The following DIAPH2 variants were observed in gnomAD, a reference collection of about 807,000 sequenced individuals.
DIAPH2 encodes the protein diaphanous related formin 2, also known as protein diaphanous homolog 2.
Under a neutral mutation model 92.7 loss-of-function variants are expected in DIAPH2, and 35 were observed. The ratio of observed to expected loss-of-function variants is 0.38; its 90% CI spans 0.29 to 0.50. The LOEUF (loss-of-function observed/expected upper bound fraction) is 0.50. Ranked by LOEUF, DIAPH2 falls within the 20% of genes least tolerant of loss-of-function variation. The pLI is 0.94. For synonymous variants in DIAPH2, 301 were observed against 280.4 expected, an observed-to-expected ratio of 1.07 and a Z score of -0.73; for missense variants, 701 against 819.5, an observed-to-expected ratio of 0.86 and a Z score of 1.77.
intron 4 of DIAPH2, among the ~76,000 whole-genome samples, chrX:96,842,700 C>G (rs2064944675): frequency 8.9e-6 from 1 of 111,893 alleles, no homozygotes; most frequent in Non-Finnish European, 1.9e-5. Context: ...CCAACTCTTT[C>G]ACCTAGTAAA....
At chrX:96,878,513 G>T (rs918950340) in intron 4 of DIAPH2, among the ~76,000 whole-genome samples, 1 of 111,686 alleles carries the variant, frequency 9.0e-6, no homozygotes, top group Admixed American at 9.5e-5. Flanking sequence ...TTCTAAGCTT[G>T]GTAAAAAGCA....
At chrX:96,755,793 T>G (rs1203067407) in intron 3 of DIAPH2, among the ~76,000 whole-genome samples, 2 of 111,586 alleles carry the variant, frequency 1.8e-5, no homozygotes, top group East Asian at 5.6e-4. Flanking sequence ...CTTAAAAAAT[T>G]TAGATATGAT....
chrX:97,242,154 T>A (rs1602443602), intron 22 of DIAPH2, among the ~76,000 whole-genome samples: 2 of 111,288 alleles, frequency 1.8e-5, no homozygotes, highest in African/African-American at 6.5e-5. Flanking sequence ...GCACTTAGGA[T>A]GTAGGGAGTA....
chrX:97,362,816 A>G (rs180952774), intron 24 of DIAPH2, among the ~76,000 whole-genome samples: 1 of 112,743 alleles, frequency 8.9e-6, no homozygotes, highest in East Asian at 2.8e-4. Flanking sequence ...AAGAAATCAT[A>G]CCAGTGGAAT....
chrX:97,539,452 G>A (rs2071123048), intron 26 of DIAPH2, among the ~76,000 whole-genome samples: 1 of 111,876 alleles, frequency 8.9e-6, no homozygotes, highest in African/African-American at 3.2e-5. Flanking sequence ...AGAAGAAATT[G>A]AAGGTTCAAA....
intron 26 of DIAPH2, among the ~76,000 whole-genome samples, chrX:97,559,282 G>A (rs1263014597): frequency 9.0e-6 from 1 of 111,301 alleles, no homozygotes; most frequent in East Asian, 2.8e-4. Flanking sequence ...ATAAGGCCAA[G>A]AGATCAAGAC....
intron 23 of DIAPH2, among the ~76,000 whole-genome samples, chrX:97,283,025 G>C (rs752770947): frequency 9.0e-6 from 1 of 111,396 alleles, no homozygotes; most frequent in African/African-American, 3.3e-5. Context: ...AAGGGTAGTG[G>C]TAGATGGAGG....
intron 4 of DIAPH2, among the ~76,000 whole-genome samples, chrX:96,789,159 T>A (rs192125102): frequency 8.9e-6 from 1 of 111,934 alleles, no homozygotes; most frequent in Non-Finnish European, 1.9e-5. Context: ...TTATGCTGTG[T>A]CCCTCCCACG....
At chrX:97,502,095 G>T (rs1337882151) in intron 26 of DIAPH2, among the ~76,000 whole-genome samples, 1 of 112,232 alleles carries the variant, frequency 8.9e-6, no homozygotes, top group Non-Finnish European at 1.9e-5. Context: ...GAGCCATCGT[G>T]TCCAGCCTTA....
intron 12 of DIAPH2, among the ~76,000 whole-genome samples, chrX:96,939,655 C>T (rs1234109527): frequency 1.4e-5 from 1 of 73,743 alleles, no homozygotes; most frequent in East Asian, 4.1e-4. Context: ...AAGAGTTTGA[C>T]TCTTTAGGTA....
At chrX:97,572,180 T>G (rs2071374435) in intron 26 of DIAPH2, among the ~76,000 whole-genome samples, 1 of 109,581 alleles carries the variant, frequency 9.1e-6, no homozygotes, top group Admixed American at 9.9e-5. Context: ...CCGTTACATA[T>G]CATTAGTGAA....
intron 17 of DIAPH2, among the ~76,000 whole-genome samples, chrX:96,967,664 G>T (rs373919804): frequency 2.0e-4 from 22 of 110,437 alleles, no homozygotes; most frequent in African/African-American, 7.2e-4. Flanking sequence ...TAATCCACCC[G>T]CCTCGACCTC....
chrX:97,392,168 C>G (rs1480283774), intron 25 of DIAPH2, among the ~76,000 whole-genome samples: 2 of 111,756 alleles, frequency 1.8e-5, no homozygotes, highest in Non-Finnish European at 3.8e-5. Context: ...GTTGCCTTAT[C>G]TCTTCATGCC....
chrX:97,106,138 T>G lies in DIAPH2; in HGVS notation c.2349+6343T>G, dbSNP rs767662522. 3.6e-5 allele frequency among the ~76,000 whole-genome samples: 4 copies of G among 111,992 alleles called. No homozygotes were observed. In the East Asian group the frequency reaches 1.1e-3, roughly 31 times the overall value. ...TTGTAAGTCCTCTGTTCCATTAATA[T>G]CAAATCATTTTTCACTTTTGCATAT... On this transcript the variant is annotated intron_variant, in intron 20 of 26. Transcript: ENST00000324765.
Position 97,473,696 on chromosome X carries a change from C to T in DIAPH2, c.3241+43951C>T, listed in dbSNP as rs2070582003. Among the ~76,000 whole-genome samples the T allele has an allele frequency of 2.7e-5, 3 of 112,302 alleles. No individual in the cohort carries two copies. In the South Asian group the frequency reaches 1.1e-3, roughly 42 times the overall value. Reference sequence around the variant, plus strand: ...ATCACAAGGGCTGGGTGTAGTGGCTCACGCCTGTAATCCCAACATTTTGGG... The same window carrying T: ...ATCACAAGGGCTGGGTGTAGTGGCTTACGCCTGTAATCCCAACATTTTGGG... On this transcript the variant is annotated intron_variant, in intron 26 of 26. Transcript: ENST00000324765.
intron 23 of DIAPH2, among the ~76,000 whole-genome samples, chrX:97,276,988 A>G (rs1198436140): frequency 8.9e-6 from 1 of 112,517 alleles, no homozygotes; most frequent in Non-Finnish European, 1.9e-5. Context: ...AGTCAATGTT[A>G]GATACTTTAT....
intron 26 of DIAPH2, chrX:97,528,989 G>C (rs367934003): frequency 6.7e-4 from 73 of 109,758 alleles, no homozygotes; most frequent in African/African-American, 2.4e-3. Context: ...CAGGATAATC[G>C]CTTGAATCCG....
intron 7 of DIAPH2, among the ~76,000 whole-genome samples, chrX:96,916,141 C>CT (rs1200298519): frequency 1.8e-5 from 2 of 111,338 alleles, no homozygotes; most frequent in Non-Finnish European, 3.8e-5. Context: ...TCAGTATGCG[C>CT]TTTATATGTT....
At chrX:96,904,555 G>A (rs776549696) in intron 5 of DIAPH2, among the ~76,000 whole-genome samples, 23 of 111,720 alleles carry the variant, frequency 2.1e-4, no homozygotes, top group Non-Finnish European at 4.1e-4. Context: ...TATATTGACA[G>A]TGAAACTGTT....
Sources: gnomAD v4.1 joint callset for allele counts (sites outside exome capture counted in the v4.1 genomes callset) on GRCh38, gnomAD v4.1.1 for gene constraint, MANE v1.5 for transcripts, NCBI Gene and HGNC (gene_info 2026-07-23, HGNC 2026-07-21) for gene names.